The following KEL variants were observed in gnomAD, a reference collection of about 807,000 sequenced individuals.
The protein encoded by KEL is Kell metallo-endopeptidase (Kell blood group).
Under a neutral mutation model 99.5 loss-of-function variants are expected in KEL, and 96 were observed. The ratio of observed to expected loss-of-function variants is 0.97; its 90% CI spans 0.82 to 1.14. KEL has a LOEUF of 1.14. KEL is among the 50% of genes most tolerant of loss of function. The pLI is 0.00. For synonymous variants in KEL, 355 were observed against 354.8 expected (o/e 1.00, Z -0.01); for missense variants, 926 against 924.2 (o/e 1.00, Z -0.03).
intron 4 of KEL, among the ~76,000 whole-genome samples, chr7:142,958,809 G>C (rs1221675637): frequency 6.6e-6 from 1 of 152,086 alleles, no homozygotes; most frequent in Non-Finnish European, 1.5e-5. Flanking sequence ...TTGTCTCTAA[G>C]GGCAGCCACT....
Position 142,942,961 on chromosome 7 carries a change from G to A in KEL, c.1855C>T (p.Pro619Ser), listed in dbSNP as rs1474469148. Residue 619 changes from proline (P) to serine (S), a missense_variant, in exon 17 of 19, where the codon CCA becomes TCA. By Grantham distance (74) the Pro-to-Ser change is moderately conservative. Coordinates refer to ENST00000355265, the MANE Select transcript of KEL (RefSeq NM_000420.3). ...LCLKRHYAAF[P>S]LPSRTSFNDS... ...TTGAAGGAGGTTCTGCTAGGTAATG[G>A]AAAGGCAGCATAATGGCGCTTCAGG... 5 of 1,614,096 alleles carry A rather than the reference G, an allele frequency of 3.1e-6. No homozygotes were observed. The highest frequency in any genetic ancestry group is 4.2e-6 in the Non-Finnish European group (5 of 1,180,046).
At chr7:142,952,730 G>T in intron 9 of KEL, 92 bp from the exon 10 acceptor site, 1 of 1,427,078 alleles carries the variant, frequency 7.0e-7, no homozygotes, top group Non-Finnish European at 9.7e-7. Flanking sequence ...CTTGATACTC[G>T]TGAAGGCAGC....
intron 13 of KEL, among the ~76,000 whole-genome samples, 200 bp downstream of exon 13, chr7:142,944,123 G>T (rs8176033): frequency 2.5e-3 from 374 of 152,280 alleles, no homozygotes; most frequent in African/African-American, 8.4e-3. Flanking sequence ...TGGCACATGC[G>T]TTGGGACCTG....
chr7:142,943,175 C>T lies in KEL; in HGVS notation c.1771+101G>A, dbSNP rs1451216058. 7 of 1,544,798 alleles carry T rather than the reference C, an allele frequency of 4.5e-6. No homozygotes were observed. The East Asian group carries it at 1.1e-4, about 25-fold the overall frequency. ...TGGCAAAGTTCCCAGGACTGCCCCA[C>T]CTCAAACCCTCAAATAACCTCCCTT... On this transcript the variant is annotated intron_variant, in intron 16 of 18. Coordinates refer to ENST00000355265, the MANE Select transcript of KEL (RefSeq NM_000420.3).
chr7:142,957,832 T>C lies in KEL; in HGVS notation c.667A>G (p.Ile223Val). 6.2e-7 allele frequency: 1 copy of C among 1,614,092 alleles called. No individual in the cohort carries two copies. The highest frequency in any genetic ancestry group is 8.5e-7 in the Non-Finnish European group (1 of 1,180,008). Residue 223 changes from isoleucine to valine, a missense_variant, in exon 6 of 19, where the codon ATC (isoleucine) becomes GTC (valine). Coordinates refer to ENST00000355265, the MANE Select transcript of KEL (RefSeq NM_000420.3). ...TTCGCCAGTGCATCCCTCACCTGGA[T>C]GACTGGTGTGTGTGGAGAGGCAGGA... ...PHPASPHTPV[I>V]QIDQPEFDVP...
At chr7:142,943,942 C>G in intron 13 of KEL, 59 bp from the exon 14 acceptor site, 1 of 1,394,004 alleles carries the variant, frequency 7.2e-7, no homozygotes, top group Non-Finnish European at 1.0e-6. Flanking sequence ...TGCACGCTGA[C>G]AAACACCAAT....
chr7:142,941,517 A>C, intron 18 of KEL, 104 bp from the exon 19 acceptor site: 1 of 1,129,440 alleles, frequency 8.9e-7, no homozygotes, highest in Non-Finnish European at 1.3e-6. Flanking sequence ...GAACCAGGGG[A>C]TCAAGTGCCC....
At position 142,954,382 on chromosome 7, in the gene KEL, G is replaced by A. The variant is rs45533536; in HGVS notation, c.736-10C>T. The A allele has an allele frequency of 0.014, 22,670 of 1,614,074 alleles. 282 individuals carry two copies. The highest frequency in any genetic ancestry group is 0.04 in the Admixed American group (2,397 of 60,036). On this transcript the variant is annotated splice_polypyrimidine_tract_variant and intron_variant, in intron 7 of 18. Coordinates refer to ENST00000355265, the MANE Select transcript of KEL (RefSeq NM_000420.3). ...GGTATTCCCGAAAGATCTGGAGGAA[G>A]GAAATGTCAGTCACAGGTGCCAGAG...
At position 142,953,939 on chromosome 7, in the gene KEL, G is replaced by A. The variant is rs199612867; in HGVS notation, c.942C>T (p.Ile314=). The change falls in exon 9 of 19, where the codon ATC becomes ATT. Residue 314 remains isoleucine, a synonymous_variant. Coordinates refer to ENST00000355265, the MANE Select transcript of KEL (RefSeq NM_000420.3). The stretch of plus-strand genomic sequence containing the variant: ...TCGCTTGCAAGCAGGACAACCAGTC[G>A]ATGGCGGGGGCCATTTCCTTAGAGG... ...IDQLKEMAPA[I]DWLSCLQATF... The A allele has an allele frequency of 2.0e-5, 32 of 1,614,056 alleles. No individual in the cohort carries two copies. Among genetic ancestry groups the A allele is most frequent in the Middle Eastern group, 3.3e-4 (2 of 6,084 alleles).
At chr7:142,962,079 C>T in intron 1 of KEL, 125 bp downstream of exon 1, 1 of 1,612,894 alleles carries the variant, frequency 6.2e-7, no homozygotes, top group Non-Finnish European at 8.5e-7. Context: ...CCCATTACCT[C>T]CCTCTCTCCC....
At position 142,941,297 on chromosome 7, in the gene KEL, T is replaced by C; in HGVS notation, c.2154A>G (p.Ala718=). 6.2e-7 allele frequency: 1 copy of C among 1,614,070 alleles called. No individual in the cohort carries two copies. Among genetic ancestry groups the C allele is most frequent in the Non-Finnish European group, 8.5e-7 (1 of 1,180,024 alleles). The change falls in exon 19 of 19, where the codon GCA becomes GCG. Residue 718 remains alanine (A), a synonymous_variant. Coordinates refer to ENST00000355265, the MANE Select transcript of KEL (RefSeq NM_000420.3). The part of the protein sequence containing the change: ...TPAFARYFRC[A]RGALLNPSSR... The stretch of plus-strand genomic sequence containing the variant: ...TGGAGGGGTTCAAGAGAGCACCACG[T>C]GCACAGCGGAAATACCTGGCAAAGG...
chr7:142,951,322 T>C (rs1586260223), intron 10 of KEL, among the ~76,000 whole-genome samples: 1 of 152,206 alleles, frequency 6.6e-6, no homozygotes, highest in East Asian at 1.9e-4. Context: ...CAGGATTTTG[T>C]AGCAACCCCA....
rs139992997 is a variant in KEL, at chr7:142,961,478, G to A, written c.105C>T (p.Pro35=). 917 of 1,604,676 alleles carry A rather than the reference G, an allele frequency of 5.7e-4. 5 individuals are homozygous for A. In the Middle Eastern group the frequency reaches 8.8e-3, roughly 15 times the overall value. ...SQESTPEERL[P]VEGSRPWAVA... is the part of the protein sequence containing the mutation. ...CTGCCCATGGCCTGCTCCCTTCCAC[G>A]GGCAGCCTCTCTTCTGGAGTGCTCT... The change falls in exon 3 of 19, where the codon CCC becomes CCT. Residue 35 remains proline, a synonymous_variant. Coordinates refer to ENST00000355265, the MANE Select transcript of KEL (RefSeq NM_000420.3).
At chr7:142,953,350 C>G in intron 9 of KEL, 1 of 984,856 alleles carries the variant, frequency 1.0e-6, no homozygotes, top group Non-Finnish European at 1.2e-6. Context: ...GGCCCCTCCT[C>G]TTCCTTTCTT....
intron 13 of KEL, 139 bp downstream of exon 13, chr7:142,944,184 A>G: frequency 1.3e-6 from 1 of 788,680 alleles, no homozygotes; most frequent in Non-Finnish European, 2.3e-6. Context: ...ATATTTCCCC[A>G]TCAACCCCAG....
chr7:142,957,744 C>T (rs1357081483), intron 6 of KEL, 83 bp downstream of exon 6: 4 of 1,563,724 alleles, frequency 2.6e-6, no homozygotes, highest in Middle Eastern at 2.1e-4. Context: ...CTCTTCCCAA[C>T]CTGCAACCTT....
In KEL at chr7:142,943,839, G is replaced by C; in HGVS notation, c.1536C>G (p.Val512=). The C allele has an allele frequency of 1.9e-6, 3 of 1,614,174 alleles. No homozygotes were observed. Among genetic ancestry groups the C allele is most frequent in the Non-Finnish European group, 2.5e-6 (3 of 1,180,016 alleles). ...GGACAATTCTAGCTCGGAGGGACCG[G>C]ACACAGCTCAGGACAGACTGCAGGA... The part of the protein sequence containing the change: ...SSFLQSVLSC[V]RSLRARIVQS... Residue 512 remains valine (V), a synonymous_variant, in exon 14 of 19, where the codon GTC becomes GTG. Transcript: ENST00000355265.
intron 5 of KEL, 104 bp downstream of exon 5, chr7:142,958,200 C>G (rs576734874): frequency 6.4e-7 from 1 of 1,551,832 alleles, no homozygotes; most frequent in Admixed American, 1.7e-5. Context: ...TTGGGGGGCC[C>G]TAGGAAGAAG....
Position 142,944,753 on chromosome 7 carries a change from A to C in KEL, c.1315-12T>G, listed in dbSNP as rs1362764370. ...AATAATTTCATGGCCTGTGGGAGTGAGGTCCAGGGACAGGGGGACAGGATC... is the reference window on the plus strand; with the variant it reads ...AATAATTTCATGGCCTGTGGGAGTGCGGTCCAGGGACAGGGGGACAGGATC... On this transcript the variant is annotated splice_polypyrimidine_tract_variant and intron_variant, in intron 11 of 18. Coordinates refer to ENST00000355265, the MANE Select transcript of KEL (RefSeq NM_000420.3). 5 of 1,601,416 alleles carry C rather than the reference A, an allele frequency of 3.1e-6. No homozygotes were observed. The highest frequency in any genetic ancestry group is 1.7e-5 in the Admixed American group (1 of 59,950).
Sources: gnomAD v4.1 joint callset for allele counts (sites outside exome capture counted in the v4.1 genomes callset) on GRCh38, gnomAD v4.1.1 for gene constraint, MANE v1.5 for transcripts, NCBI Gene and HGNC (gene_info 2026-07-23, HGNC 2026-07-21) for gene names.